OXSR1: variants seen among roughly 807,000 people sequenced by gnomAD.
OXSR1 encodes oxidative stress responsive kinase 1.
A neutral mutation model predicts 79.8 loss-of-function variants in OXSR1; 24 were observed. The observed-to-expected ratio is 0.30, with a 90% CI of 0.22 to 0.42. The LOEUF is 0.42. Among genes scored for constraint, OXSR1 ranks in the 10% least tolerant of loss-of-function variants. The pLI is 1.00. For missense variants in OXSR1, 430 were observed against 618.4 expected, an observed-to-expected ratio of 0.70 and a Z score of 3.23; for synonymous variants, 226 against 209.2, an observed-to-expected ratio of 1.08 and a Z score of -0.69.
chr3:38,217,550 G>T (rs1232693864), intron 5 of OXSR1, among the ~76,000 whole-genome samples: 1 of 151,936 alleles, frequency 6.6e-6, no homozygotes, highest in Non-Finnish European at 1.5e-5. Context: ...TTTTTTTTGA[G>T]ACAGTCTCGC....
At chr3:38,247,616 C>T (rs1041586285) in intron 13 of OXSR1, 52 bp from the exon 14 acceptor site, 1 of 1,302,058 alleles carries the variant, frequency 7.7e-7, no homozygotes, top group Non-Finnish European at 1.1e-6. Context: ...CATTAGTCAC[C>T]TCCCCACTTA....
At chr3:38,242,902 A>G (rs1703064271) in intron 12 of OXSR1, 124 bp downstream of exon 12, 3 of 485,338 alleles carry the variant, frequency 6.2e-6, no homozygotes, top group Non-Finnish European at 1.1e-5. Flanking sequence ...TACCAATCGA[A>G]TTTTAAAAGT....
intron 8 of OXSR1, among the ~76,000 whole-genome samples, chr3:38,229,054 T>C (rs1702752385): frequency 6.6e-6 from 1 of 152,256 alleles, no homozygotes; most frequent in South Asian, 2.1e-4. Flanking sequence ...AATGATACTC[T>C]TTTAAAAGCT....
chr3:38,178,407 C>T (rs1371358674), intron 1 of OXSR1, among the ~76,000 whole-genome samples: 2 of 151,778 alleles, frequency 1.3e-5, no homozygotes, highest in African/African-American at 2.4e-5. Flanking sequence ...CAAATTCTGT[C>T]GAATTATATA....
At chr3:38,234,040 A>G (rs1462763140) in intron 10 of OXSR1, among the ~76,000 whole-genome samples, 1 of 152,266 alleles carries the variant, frequency 6.6e-6, no homozygotes, top group Non-Finnish European at 1.5e-5. Flanking sequence ...GTACAACTGA[A>G]TATTCACATG....
chr3:38,203,034 T>C (rs2125822768), intron 4 of OXSR1, among the ~76,000 whole-genome samples: 1 of 152,334 alleles, frequency 6.6e-6, no homozygotes, highest in Admixed American at 6.5e-5. Flanking sequence ...CTCCCCGTGG[T>C]GCTGTGCTTC....
chr3:38,241,565 A>G (rs76480791), intron 11 of OXSR1, among the ~76,000 whole-genome samples: 2,449 of 152,152 alleles, frequency 0.016, 69 homozygotes, highest in African/African-American at 0.054. Flanking sequence ...GTAAACAGCC[A>G]TGATATATGC....
chr3:38,226,452 T>C (rs148914686), intron 8 of OXSR1, among the ~76,000 whole-genome samples: 1 of 152,242 alleles, frequency 6.6e-6, no homozygotes, highest in East Asian at 1.9e-4. Flanking sequence ...TTTAAAACTT[T>C]CCATGAGTGT....
At chr3:38,214,053 CATATT>C (rs1448492387) in intron 4 of OXSR1, among the ~76,000 whole-genome samples, 1 of 151,942 alleles carries the variant, frequency 6.6e-6, no homozygotes, top group African/African-American at 2.4e-5. Flanking sequence ...TTGACTGTAA[CATATT>C]AGTTTATAAC....
chr3:38,243,991 G>C (rs1703086848), intron 12 of OXSR1, among the ~76,000 whole-genome samples: 2 of 152,182 alleles, frequency 1.3e-5, no homozygotes, highest in Admixed American at 1.3e-4. Context: ...CCTGAGTGAG[G>C]ATGATACCGA....
chr3:38,229,902 T>C (rs905485775), intron 9 of OXSR1, among the ~76,000 whole-genome samples, 167 bp downstream of exon 9: 30 of 152,226 alleles, frequency 2.0e-4, no homozygotes, highest in African/African-American at 7.2e-4. Context: ...AGATAATTGC[T>C]TCAGAATTTA....
intron 2 of OXSR1, among the ~76,000 whole-genome samples, chr3:38,189,223 T>C (rs1366045573): frequency 2.0e-5 from 3 of 152,310 alleles, no homozygotes; most frequent in South Asian, 2.1e-4. Flanking sequence ...TAGATTCTTA[T>C]AACATTTATC....
intron 1 of OXSR1, among the ~76,000 whole-genome samples, chr3:38,174,863 C>T (rs770906334): frequency 3.9e-5 from 6 of 152,094 alleles, no homozygotes; most frequent in African/African-American, 1.2e-4. Flanking sequence ...AACAGGAGAG[C>T]GAGTGATGAT....
chr3:38,226,810 C>T (rs1158083440), intron 8 of OXSR1, among the ~76,000 whole-genome samples: 1 of 151,330 alleles, frequency 6.6e-6, no homozygotes, highest in Non-Finnish European at 1.5e-5. Flanking sequence ...GACGTGAAGA[C>T]GGAAAGCAAG....
chr3:38,183,436 A>G (rs188058934), intron 2 of OXSR1, among the ~76,000 whole-genome samples: 52 of 152,256 alleles, frequency 3.4e-4, no homozygotes, highest in Non-Finnish European at 5.1e-4. Context: ...TGTGTCTGTA[A>G]ATATGGATCA....
chr3:38,189,985 A>G (rs1192122997), intron 2 of OXSR1, among the ~76,000 whole-genome samples: 1 of 152,188 alleles, frequency 6.6e-6, no homozygotes, highest in Non-Finnish European at 1.5e-5. Context: ...GCATCTAACT[A>G]AACCTGGGAA....
At chr3:38,212,805 T>G (rs1378708802) in intron 4 of OXSR1, among the ~76,000 whole-genome samples, 1 of 152,246 alleles carries the variant, frequency 6.6e-6, no homozygotes, top group Admixed American at 6.5e-5. Flanking sequence ...AGCTGCTGAC[T>G]TGCTTGATAT....
At chr3:38,188,141 C>G (rs1488221921) in intron 2 of OXSR1, among the ~76,000 whole-genome samples, 1 of 151,968 alleles carries the variant, frequency 6.6e-6, no homozygotes, top group East Asian at 1.9e-4. Flanking sequence ...GCTAGAAAAC[C>G]CTTTGTAGTA....
intron 3 of OXSR1, among the ~76,000 whole-genome samples, chr3:38,192,450 G>T (rs1257365132): frequency 6.6e-6 from 1 of 152,120 alleles, no homozygotes; most frequent in African/African-American, 2.4e-5. Context: ...TGCTTCCAGA[G>T]CTTGGAAATA....
Sources: allele counts gnomAD v4.1 joint callset (sites outside exome capture counted in the v4.1 genomes callset), GRCh38; gene constraint gnomAD v4.1.1; transcripts MANE v1.5; gene names NCBI Gene and HGNC (gene_info 2026-07-23, HGNC 2026-07-21).